Variants in HPD observed in about 807,000 individuals in gnomAD.
HPD encodes 4-hydroxyphenylpyruvate dioxygenase.
A neutral mutation model predicts 56.9 loss-of-function variants in HPD; 35 were observed. That is an observed-to-expected ratio of 0.62 (90% CI 0.47 to 0.82). The LOEUF (loss-of-function observed/expected upper bound fraction) is 0.82, where lower values mean the gene tolerates loss of function less well. HPD is among the 40% of genes least tolerant of loss of function. The pLI is 0.00. For missense variants in HPD, 442 were observed against 506.8 expected, an observed-to-expected ratio of 0.87 and a Z score of 1.23; for synonymous variants, 186 against 200.2, an observed-to-expected ratio of 0.93 and a Z score of 0.60.
upstream of HPD, among the ~76,000 whole-genome samples, chr12:121,867,555 C>T (rs79964097): frequency 1.2e-3 from 189 of 152,000 alleles, 4 homozygotes; most frequent in East Asian, 0.035. Flanking sequence ...ACTCTGTCAC[C>T]TAGGCTAGAG....
chr12:121,866,148 A>G (rs568253869), upstream of HPD, among the ~76,000 whole-genome samples: 47 of 151,900 alleles, frequency 3.1e-4, no homozygotes, highest in South Asian at 9.8e-3. Context: ...ATACAAAAAC[A>G]AAATTAGCCA....
chr12:121,879,947 C>T, the HPD span, among the ~76,000 whole-genome samples: 13 of 151,964 alleles, frequency 8.6e-5, no homozygotes, highest in South Asian at 6.2e-4. Context: ...CCCAGGAATT[C>T]GAGACCAGCT....
the HPD span, among the ~76,000 whole-genome samples, chr12:121,875,810 G>T: frequency 6.6e-6 from 1 of 152,066 alleles, no homozygotes; most frequent in Non-Finnish European, 1.5e-5. Flanking sequence ...GATACAAACA[G>T]AAGTAAATAA....
chr12:121,845,618 A>T (rs963038877), intron 11 of HPD, among the ~76,000 whole-genome samples: 3 of 151,456 alleles, frequency 2.0e-5, no homozygotes, highest in African/African-American at 7.3e-5. Context: ...AAAAAAAAAA[A>T]AAGGATGAGG....
At chr12:121,850,231 C>T (rs924930795) in intron 7 of HPD, among the ~76,000 whole-genome samples, 6 of 151,978 alleles carry the variant, frequency 3.9e-5, no homozygotes, top group East Asian at 2.0e-4. Flanking sequence ...ACCATCCTGG[C>T]GAACACGGTG....
At chr12:121,854,504 G>A (rs887766460) in intron 7 of HPD, among the ~76,000 whole-genome samples, 199 bp downstream of exon 7, 3 of 152,162 alleles carry the variant, frequency 2.0e-5, no homozygotes, top group Non-Finnish European at 2.9e-5. Context: ...GCACTGGGAG[G>A]AAGGGAAGCC....
At chr12:121,852,300 G>T (rs573146704) in intron 7 of HPD, among the ~76,000 whole-genome samples, 1 of 152,176 alleles carries the variant, frequency 6.6e-6, no homozygotes, top group Non-Finnish European at 1.5e-5. Context: ...GATTACAGGT[G>T]TGAGCCACTG....
intron 7 of HPD, chr12:121,850,075 T>G (rs903615750): frequency 4.8e-6 from 2 of 419,928 alleles, no homozygotes; most frequent in Non-Finnish European, 4.5e-6. Context: ...CCTACTTCAT[T>G]TATTTCAGTA....
chr12:121,855,729 A>AC (rs915470646), intron 6 of HPD, among the ~76,000 whole-genome samples: 3 of 150,262 alleles, frequency 2.0e-5, no homozygotes, highest in Non-Finnish European at 3.0e-5. Context: ...ACACACACAC[A>AC]AAAGAAAGAA....
At chr12:121,847,765 A>C (rs911814470) in intron 9 of HPD, among the ~76,000 whole-genome samples, 2 of 151,814 alleles carry the variant, frequency 1.3e-5, no homozygotes, top group Admixed American at 6.6e-5. Context: ...TCGAACTCCT[A>C]ACCTCAGGTG....
Position 121,858,714 on chromosome 12 carries a change from C to A in HPD, c.4-1G>T, listed in dbSNP as rs1445658257. 5.6e-6 allele frequency: 9 copies of A among 1,613,986 alleles called. No homozygotes were observed. The highest frequency in any genetic ancestry group is 7.6e-6 in the Non-Finnish European group (9 of 1,180,012). Reference sequence around the variant, plus strand: ...TTGCCCCTTTGTCACTGTAAGTCGTCTAAGGAGAAAAAGAAGGACAGTGAG... The same window carrying A: ...TTGCCCCTTTGTCACTGTAAGTCGTATAAGGAGAAAAAGAAGGACAGTGAG... On this transcript the variant is annotated splice_acceptor_variant, in intron 1 of 13. Coordinates refer to ENST00000289004, the MANE Select transcript of HPD (RefSeq NM_002150.3). LOFTEE classifies it high-confidence loss of function.
upstream of HPD, among the ~76,000 whole-genome samples, chr12:121,860,030 C>T (rs970314513): frequency 6.6e-6 from 1 of 152,138 alleles, no homozygotes; most frequent in African/African-American, 2.4e-5. Context: ...CGGTGGTGCA[C>T]GTCTGTAGTC....
At chr12:121,841,872 A>G (rs1877419434) in intron 12 of HPD, among the ~76,000 whole-genome samples, 1 of 151,972 alleles carries the variant, frequency 6.6e-6, no homozygotes, top group Non-Finnish European at 1.5e-5. Context: ...TTTAGTAGAG[A>G]CAGGGTTTCA....
upstream of HPD, among the ~76,000 whole-genome samples, chr12:121,866,316 A>AAG (rs1878327256): frequency 6.8e-6 from 1 of 147,356 alleles, no homozygotes. Context: ...AAAAAAAAAA[A>AAG]GAATAAATAA....
chr12:121,877,223 T>C, the HPD span, among the ~76,000 whole-genome samples: 1 of 152,144 alleles, frequency 6.6e-6, no homozygotes, highest in Admixed American at 6.6e-5. Flanking sequence ...CTACCCATTG[T>C]ACAGTTGAAG....
At chr12:121,866,531 G>A (rs1413794297), upstream of HPD, among the ~76,000 whole-genome samples, 1 of 151,812 alleles carries the variant, frequency 6.6e-6, no homozygotes, top group African/African-American at 2.4e-5. Flanking sequence ...GCCATTTGAC[G>A]GAGTTTAAAT....
chr12:121,839,949 G>A lies in HPD; in HGVS notation c.1054C>T (p.Gln352Ter). 1 of 1,613,776 alleles carries A rather than the reference G, an allele frequency of 6.2e-7. No homozygotes were observed. Among genetic ancestry groups the A allele is most frequent in the Non-Finnish European group, 8.5e-7 (1 of 1,179,672 alleles). ...AGCAGTACCTGGTGGTTGTGGCGCTGGATGACTTCCAGGAAGAGCGTGGGC... is the reference window on the plus strand; with the variant it reads ...AGCAGTACCTGGTGGTTGTGGCGCTAGATGACTTCCAGGAAGAGCGTGGGC... ...DRPTLFLEVI[Q>*]RHNHQGFGAG... The change falls in exon 13 of 14, where the codon CAG becomes TAG. Residue 352 changes from glutamine (Q) to a stop codon, truncating the protein, a stop_gained. Coordinates refer to ENST00000289004, the MANE Select transcript of HPD (RefSeq NM_002150.3). LOFTEE classifies it high-confidence loss of function.
chr12:121,841,096 G>A (rs1279801616), intron 12 of HPD, among the ~76,000 whole-genome samples: 1 of 152,108 alleles, frequency 6.6e-6, no homozygotes, highest in African/African-American at 2.4e-5. Context: ...CAGCTACTCA[G>A]GAGGCAGAGG....
At chr12:121,884,189 G>A in the HPD span, among the ~76,000 whole-genome samples, 1 of 73,840 alleles carries the variant, frequency 1.4e-5, no homozygotes, top group Non-Finnish European at 2.7e-5. Context: ...TTTTTTTTTT[G>A]AGACGGAGTT....
Sources: gnomAD v4.1 joint callset for allele counts (sites outside exome capture counted in the v4.1 genomes callset) on GRCh38, gnomAD v4.1.1 for gene constraint, MANE v1.5 for transcripts, NCBI Gene and HGNC (gene_info 2026-07-23, HGNC 2026-07-21) for gene names.